SH3BP2: variants seen among roughly 807,000 people sequenced by gnomAD.
SH3BP2 encodes SH3 domain binding protein 2, also known as SH3 domain-binding protein 2.
Under a neutral mutation model 56.2 loss-of-function variants are expected in SH3BP2, and 38 were observed. The observed-to-expected ratio is 0.68, with a 90% CI of 0.52 to 0.89. The LOEUF (loss-of-function observed/expected upper bound fraction) is 0.89. Among genes scored for constraint, SH3BP2 ranks in the 40% least tolerant of loss-of-function variants. The probability of loss-of-function intolerance (pLI) is 0.00; values close to 1 mark genes in which losing one functional copy is unlikely to be tolerated. For synonymous variants in SH3BP2, 346 were observed against 316.7 expected (o/e 1.09, Z -0.98); for missense variants, 748 against 762.6 (o/e 0.98, Z 0.23).
rs1255093057 is a variant in SH3BP2 at position 2,840,726 on chromosome 4, T to G, written c.*6892T>G. 1 of 152,242 alleles carries G rather than the reference T, an allele frequency of 6.6e-6. No individual in the cohort carries two copies. The highest frequency in any genetic ancestry group is 1.5e-5 in the Non-Finnish European group (1 of 68,032). 9.4% of individuals were successfully genotyped at this position (152,242 alleles called of 1,614,324 possible). On this transcript the variant is annotated 3_prime_UTR_variant, in exon 13 of 13. Transcript: ENST00000503393. ...CTCCCATATAAGTTTTAAAATCAGC[T>G]TGTCAATTCCAACAACAATGATGCA...
intron 1 of SH3BP2, chr4:2,817,779 ACGTG>A (rs1724064732): frequency 6.6e-6 from 1 of 152,164 alleles, no homozygotes; most frequent in African/African-American, 2.4e-5. Context: ...AGGGCGGGGC[ACGTG>A]CCCGATCCCT....
intron 10 of SH3BP2, 97 bp from the exon 11 acceptor site, chr4:2,832,234 G>C (rs1039957012): frequency 5.2e-6 from 6 of 1,158,124 alleles, no homozygotes; most frequent in Non-Finnish European, 6.5e-6. Context: ...CTACAACAGC[G>C]AGAGGACAGA....
At chr4:2,820,888 G>C in intron 2 of SH3BP2, 135 bp downstream of exon 2, 2 of 1,064,548 alleles carry the variant, frequency 1.9e-6, no homozygotes, top group South Asian at 3.2e-5. Flanking sequence ...CTCTCTGGTG[G>C]CTGGCACCCC....
chr4:2,823,733 C>G (rs1352747310), intron 3 of SH3BP2, among the ~76,000 whole-genome samples: 1 of 152,240 alleles, frequency 6.6e-6, no homozygotes, highest in Non-Finnish European at 1.5e-5. Flanking sequence ...CTCTTACCAC[C>G]CCTTAAGGGC....
intron 1 of SH3BP2, among the ~76,000 whole-genome samples, chr4:2,803,093 G>A (rs762939804): frequency 6.6e-6 from 1 of 152,218 alleles, no homozygotes; most frequent in Non-Finnish European, 1.5e-5. Flanking sequence ...GCCACGGTAC[G>A]AAAAGTACCA....
chr4:2,818,298 C>CG, intron 1 of SH3BP2: 1 of 1,066,072 alleles, frequency 9.4e-7, no homozygotes, highest in Non-Finnish European at 1.1e-6. Context: ...CGGCGGCGGC[C>CG]GGGGGACGCG....
At chr4:2,807,214 C>A (rs1723571234) in intron 1 of SH3BP2, among the ~76,000 whole-genome samples, 1 of 152,200 alleles carries the variant, frequency 6.6e-6, no homozygotes, top group Admixed American at 6.5e-5. Context: ...TGTGGAAGGG[C>A]CTCAGCTGCG....
At chr4:2,812,697 C>T (rs576848315) in intron 1 of SH3BP2, among the ~76,000 whole-genome samples, 9 of 152,112 alleles carry the variant, frequency 5.9e-5, no homozygotes, top group African/African-American at 2.2e-4. Context: ...CAGGGGGAGG[C>T]CAGAGAGGGA....
intron 1 of SH3BP2, among the ~76,000 whole-genome samples, chr4:2,804,320 G>C (rs1723442579): frequency 6.6e-6 from 1 of 152,216 alleles, no homozygotes. Flanking sequence ...TGGGGAAACT[G>C]AGGACTGGAG....
intron 1 of SH3BP2, chr4:2,799,207 A>T: frequency 4.1e-6 from 4 of 985,184 alleles, no homozygotes; most frequent in Non-Finnish European, 4.8e-6. Context: ...CCCAGGCGGG[A>T]CCCTGGGGGT....
chr4:2,799,067 G>C, intron 1 of SH3BP2: 1 of 985,500 alleles, frequency 1.0e-6, no homozygotes. Context: ...GACTAATGGC[G>C]CTCAGGGGTG....
At position 2,836,516 on chromosome 4, in the gene SH3BP2, C is replaced by T. The variant is rs1044822098; in HGVS notation, c.*2682C>T. The T allele has an allele frequency of 6.6e-6, 1 of 152,270 alleles. No homozygotes were observed. Among genetic ancestry groups the T allele is most frequent in the Non-Finnish European group, 1.5e-5 (1 of 68,060 alleles). 9.4% of individuals were successfully genotyped at this position (152,270 alleles called of 1,614,324 possible). A position where few individuals can be genotyped will look rare whatever the true frequency, so the allele number is the denominator to read the frequency against. The stretch of plus-strand genomic sequence containing the variant: ...CACAGAGGCCTGGGTTCAAGTCCCA[C>T]CTCTGCCACTAACTGGCATGTGACC... On this transcript the variant is annotated 3_prime_UTR_variant, in exon 13 of 13. Transcript: ENST00000503393.
chr4:2,795,942 G>C (rs1045793886), intron 1 of SH3BP2, among the ~76,000 whole-genome samples: 1 of 152,182 alleles, frequency 6.6e-6, no homozygotes, highest in African/African-American at 2.4e-5. Context: ...CGTGTGGGCT[G>C]CCTAAGTCCC....
At chr4:2,804,288 C>G (rs1723441528) in intron 1 of SH3BP2, among the ~76,000 whole-genome samples, 1 of 152,202 alleles carries the variant, frequency 6.6e-6, no homozygotes. Flanking sequence ...TCCAGCAGCT[C>G]CGGGACTGCC....
chr4:2,796,472 A>C, intron 1 of SH3BP2: 2 of 985,322 alleles, frequency 2.0e-6, no homozygotes, highest in Non-Finnish European at 2.4e-6. Flanking sequence ...CAACGCCCTG[A>C]GGTGACTGGC....
rs185698190 is a variant in SH3BP2 at position 2,825,298 on chromosome 4, G to A, written c.428+102G>A. ...AGCCCCGGGCTTGGCATAGAATTCC[G>A]TCCTTAAAGGTTTCCTGGAGGTGCC... is the stretch of plus-strand genomic sequence containing the variant. On this transcript the variant is annotated intron_variant, in intron 5 of 12. Coordinates refer to ENST00000503393, the MANE Select transcript of SH3BP2 (RefSeq NM_001122681.2). 4.2e-4 allele frequency: 408 copies of A among 963,486 alleles called. 4 individuals carry two copies. Among genetic ancestry groups the A allele is most frequent in the Admixed American group, 1.2e-3 (60 of 49,960 alleles). 59.7% of individuals were successfully genotyped at this position (963,486 alleles called of 1,614,324 possible).
chr4:2,806,941 C>T (rs934680767), intron 1 of SH3BP2, among the ~76,000 whole-genome samples: 5 of 152,272 alleles, frequency 3.3e-5, no homozygotes, highest in African/African-American at 1.2e-4. Context: ...AGGTGCCATG[C>T]AGGCAGCTGT....
In SH3BP2 at chr4:2,829,792, T is replaced by C. The variant is rs1724878185; in HGVS notation, c.886T>C (p.Cys296Arg). 2 of 1,613,062 alleles carry C rather than the reference T, an allele frequency of 1.2e-6. No homozygotes were observed. The highest frequency in any genetic ancestry group is 2.2e-5 in the East Asian group (1 of 44,886). Reference sequence around the variant, plus strand: ...CGCACCCGGCCTCCGGAAACCCCCTTGCTTCCGGGAGAGTGCCAGCCCCAG... The same window carrying C: ...CGCACCCGGCCTCCGGAAACCCCCTCGCTTCCGGGAGAGTGCCAGCCCCAG... ...PTAPGLRKPP[C>R]FRESASPSPE... The change falls in exon 8 of 13, where the codon TGC (cysteine) becomes CGC (arginine). Residue 296 changes from cysteine (C) to arginine (R), a missense_variant. By Grantham distance (180) the Cys-to-Arg change is radical. Coordinates refer to ENST00000503393, the MANE Select transcript of SH3BP2 (RefSeq NM_001122681.2). This position sits in a 1 kb window ranked among gnomAD's most constrained non-coding sequence, Gnocchi z 4.9.
At chr4:2,824,863 C>G in intron 4 of SH3BP2, 133 bp downstream of exon 4, 4 of 760,416 alleles carry the variant, frequency 5.3e-6, no homozygotes. Context: ...GAAGGTGTGG[C>G]TGGGACACAG....
Sources: gnomAD v4.1 joint callset for allele counts (sites outside exome capture counted in the v4.1 genomes callset) on GRCh38, gnomAD v4.1.1 for gene constraint, Gnocchi (gnomAD v3.1) non-coding constraint, MANE v1.5 for transcripts, NCBI Gene and HGNC (gene_info 2026-07-23, HGNC 2026-07-21) for gene names.